Variants in ODAD2 observed in about 807,000 individuals in gnomAD.
ODAD2 encodes outer dynein arm-docking complex subunit 2.
A neutral mutation model predicts 106.8 loss-of-function variants in ODAD2; 89 were observed. That is an observed-to-expected ratio of 0.83 (90% CI 0.70 to 0.99). ODAD2 has a LOEUF of 0.99. ODAD2 is among the 50% of genes least tolerant of loss of function. The probability of loss-of-function intolerance (pLI) is 0.00; values close to 1 mark genes in which losing one functional copy is unlikely to be tolerated. For missense variants in ODAD2, 1,168 were observed against 1,238.5 expected, an observed-to-expected ratio of 0.94 and a Z score of 0.85; for synonymous variants, 404 against 436.2, an observed-to-expected ratio of 0.93 and a Z score of 0.92.
chr10:27,856,337 T>C (rs187060682), intron 19 of ODAD2, among the ~76,000 whole-genome samples: 1 of 152,168 alleles, frequency 6.6e-6, no homozygotes, highest in South Asian at 2.1e-4. Flanking sequence ...TCAACATAAG[T>C]GGATCAGGAA....
intron 17 of ODAD2, among the ~76,000 whole-genome samples, chr10:27,880,924 T>A (rs1329160543): frequency 1.3e-5 from 2 of 152,212 alleles, no homozygotes; most frequent in Non-Finnish European, 2.9e-5. Context: ...GGCAGCATCA[T>A]AAAGATTTCT....
At chr10:27,836,141 A>G (rs1324909551) in intron 19 of ODAD2, 1 of 152,494 alleles carries the variant, frequency 6.6e-6, no homozygotes, top group African/African-American at 2.4e-5. Flanking sequence ...CTTCAAACTC[A>G]TGCTGTTCAA....
intron 7 of ODAD2, among the ~76,000 whole-genome samples, chr10:27,972,601 T>C (rs754609145): frequency 5.9e-5 from 9 of 152,024 alleles, no homozygotes; most frequent in African/African-American, 9.7e-5. Flanking sequence ...ATGCAAACAA[T>C]AATCAAAAGA....
intron 19 of ODAD2, among the ~76,000 whole-genome samples, chr10:27,814,502 C>T (rs1163945818): frequency 1.3e-5 from 2 of 152,336 alleles, no homozygotes; most frequent in South Asian, 2.1e-4. Context: ...CTGATCTTCA[C>T]ACTTCAGCCT....
Position 27,940,574 on chromosome 10 carries a change from A to T in ODAD2, c.1975T>A (p.Cys659Ser). The T allele has an allele frequency of 6.2e-7, 1 of 1,613,914 alleles. No individual in the cohort carries two copies. The highest frequency in any genetic ancestry group is 8.5e-7 in the Non-Finnish European group (1 of 1,179,938). The change falls in exon 13 of 20, where the codon TGT becomes AGT. Residue 659 changes from cysteine (C) to serine (S), a missense_variant. Cys to Ser is a moderately radical substitution (Grantham distance 112). Coordinates refer to ENST00000305242, the MANE Select transcript of ODAD2 (RefSeq NM_018076.5). Reference protein sequence around the residue: ...LIPVVGTLQECASEENYRAAI... With the variant: ...LIPVVGTLQESASEENYRAAI... ...ACTGGCATGAGTACCTCTGATGCAC[A>T]CTCTTGCAATGTCCCCACCACTGGA...
chr10:27,885,296 G>A (rs1841998407), intron 17 of ODAD2, among the ~76,000 whole-genome samples: 1 of 150,456 alleles, frequency 6.6e-6, no homozygotes, highest in African/African-American at 2.4e-5. Context: ...CAGATCACGA[G>A]ATCAAGAGAT....
chr10:27,863,476 AC>A (rs1564440975), intron 17 of ODAD2, among the ~76,000 whole-genome samples: 1 of 152,194 alleles, frequency 6.6e-6, no homozygotes, highest in African/African-American at 2.4e-5. Flanking sequence ...TCCAAGAATG[AC>A]CATATTGAGT....
intron 17 of ODAD2, among the ~76,000 whole-genome samples, chr10:27,885,714 T>TATAA (rs1491302428): frequency 1.7e-5 from 1 of 57,868 alleles, no homozygotes; most frequent in African/African-American, 6.9e-5. Flanking sequence ...AAAATATATA[T>TATAA]TATATATTAT....
At chr10:27,923,992 A>AAGAGAGAGAGAGAGAG (rs1844996665) in intron 16 of ODAD2, among the ~76,000 whole-genome samples, 1 of 133,354 alleles carries the variant, frequency 7.5e-6, no homozygotes. Context: ...GAAAGAAAGA[A>AAGAGAGAGAGAGAGAG]AGAAAGAAAG....
At chr10:27,843,789 T>G (rs1384049183) in intron 19 of ODAD2, among the ~76,000 whole-genome samples, 1 of 151,730 alleles carries the variant, frequency 6.6e-6, no homozygotes, top group African/African-American at 2.4e-5. Context: ...AACAAAAAAC[T>G]TAGCACTGAA....
At chr10:27,850,261 A>G (rs1589821343) in intron 19 of ODAD2, among the ~76,000 whole-genome samples, 1 of 152,032 alleles carries the variant, frequency 6.6e-6, no homozygotes, top group Non-Finnish European at 1.5e-5. Context: ...CCTGGCCAAC[A>G]TGGTGAAACC....
At chr10:27,993,246 G>A (rs775371985) in intron 2 of ODAD2, among the ~76,000 whole-genome samples, 14 of 152,132 alleles carry the variant, frequency 9.2e-5, no homozygotes, top group Non-Finnish European at 1.2e-4. Flanking sequence ...TTTGTTTTAC[G>A]TAGGAGATCA....
At chr10:27,817,786 C>T (rs999347973) in intron 19 of ODAD2, among the ~76,000 whole-genome samples, 5 of 151,936 alleles carry the variant, frequency 3.3e-5, no homozygotes, top group African/African-American at 9.7e-5. Context: ...TGAATAGTGC[C>T]GCAATACACA....
intron 17 of ODAD2, among the ~76,000 whole-genome samples, chr10:27,875,353 C>T (rs1184373756): frequency 6.6e-6 from 1 of 152,196 alleles, no homozygotes; most frequent in Admixed American, 6.5e-5. Context: ...CTTCTCTCAA[C>T]TCATCAAAGT....
intron 10 of ODAD2, among the ~76,000 whole-genome samples, chr10:27,949,273 A>T (rs1372928847): frequency 1.3e-5 from 2 of 152,192 alleles, no homozygotes; most frequent in Non-Finnish European, 2.9e-5. Context: ...CCTTGCCTTC[A>T]TGAAGCTTAT....
At position 27,835,069 on chromosome 10, in the gene ODAD2, C is replaced by T. The variant is rs558356971; in HGVS notation, c.3022-22444G>A. 7.6e-4 allele frequency among the ~76,000 whole-genome samples: 115 copies of T among 152,258 alleles called. 1 individual carries two copies. The highest frequency in any genetic ancestry group is 2.6e-3 in the African/African-American group (110 of 41,560). ...ACAGCACATCCGTACTTGTAGACAT[C>T]GCGTGGCCCTGCGTCCTGGCAGGGC... is the stretch of plus-strand genomic sequence containing the variant. On this transcript the variant is annotated intron_variant, in intron 19 of 19. Transcript: ENST00000305242.
Position 27,989,583 on chromosome 10 carries a change from C to T in ODAD2, c.225-2040G>A, listed in dbSNP as rs531253231. 2.0e-5 allele frequency among the ~76,000 whole-genome samples: 3 copies of T among 152,324 alleles called. No homozygotes were observed. In the South Asian group the frequency reaches 6.2e-4, roughly 32 times the overall value. Reference sequence around the variant, plus strand: ...ATACCAAAGATACCAAGCTACTTAACTAGAGAGAGTGAAACTCCTGGTGAG... The same window carrying T: ...ATACCAAAGATACCAAGCTACTTAATTAGAGAGAGTGAAACTCCTGGTGAG... On this transcript the variant is annotated intron_variant, in intron 2 of 19. Coordinates refer to ENST00000305242, the MANE Select transcript of ODAD2 (RefSeq NM_018076.5).
At chr10:27,856,085 A>G (rs1458413125) in intron 19 of ODAD2, among the ~76,000 whole-genome samples, 1 of 152,140 alleles carries the variant, frequency 6.6e-6, no homozygotes, top group East Asian at 1.9e-4. Context: ...TTTTGTTATA[A>G]TTAGCAAATA....
intron 14 of ODAD2, among the ~76,000 whole-genome samples, chr10:27,938,753 C>G (rs767254967): frequency 2.6e-5 from 4 of 151,976 alleles, no homozygotes; most frequent in African/African-American, 4.8e-5. Flanking sequence ...GCACATGCAA[C>G]CACACCCAGC....
Sources: gnomAD v4.1 joint callset for allele counts (sites outside exome capture counted in the v4.1 genomes callset) on GRCh38, gnomAD v4.1.1 for gene constraint, MANE v1.5 for transcripts, NCBI Gene and HGNC (gene_info 2026-07-23, HGNC 2026-07-21) for gene names.